RUNX1T1: variants seen among roughly 807,000 people sequenced by gnomAD.
RUNX1T1 encodes the protein RUNX1 partner transcriptional co-repressor 1.
In RUNX1T1, 4 loss-of-function variants were observed where a neutral mutation model predicts 62.8. That is an observed-to-expected ratio of 0.06 (90% confidence interval 0.03 to 0.15). RUNX1T1 has a LOEUF of 0.15. Ranked by LOEUF, RUNX1T1 falls within the 10% of genes least tolerant of loss-of-function variation. RUNX1T1 has a pLI of 1.00. For synonymous variants in RUNX1T1, 291 were observed against 286.0 expected (o/e 1.02, Z -0.18); for missense variants, 508 against 754.3 (o/e 0.67, Z 3.82).
chr8:92,085,676 C>T (rs1212343589), intron 1 of RUNX1T1, among the ~76,000 whole-genome samples: 2 of 152,122 alleles, frequency 1.3e-5, no homozygotes, highest in African/African-American at 4.8e-5. Context: ...GAATTGCCAG[C>T]ATGTTTTTAA....
intron 4 of RUNX1T1, chr8:92,009,885 A>G (rs1284688173): frequency 1.3e-5 from 2 of 152,234 alleles, no homozygotes; most frequent in Non-Finnish European, 2.9e-5. Flanking sequence ...GTTTCCACAC[A>G]AACAGATCTA....
At chr8:91,977,682 A>T (rs1013455430) in intron 8 of RUNX1T1, among the ~76,000 whole-genome samples, 22 of 152,386 alleles carry the variant, frequency 1.4e-4, no homozygotes, top group African/African-American at 4.8e-4. Context: ...TAAGAATAAG[A>T]ACAGATCTGT....
chr8:92,010,836 T>C lies in RUNX1T1; in HGVS notation c.477+166A>G, dbSNP rs115630336. 1,085 of 490,466 alleles carry C rather than the reference T, an allele frequency of 2.2e-3. 6 individuals carry two copies. The highest frequency in any genetic ancestry group is 0.018 in the African/African-American group (902 of 51,018). 30.4% of individuals were successfully genotyped at this position (490,466 alleles called of 1,614,324 possible). ...AGGTAATTATTTAAAACACTCCTTGTAATTTTCAGACTACTTAGGAAATGG... is the reference window on the plus strand; with the variant it reads ...AGGTAATTATTTAAAACACTCCTTGCAATTTTCAGACTACTTAGGAAATGG... On this transcript the variant is annotated intron_variant, in intron 4 of 10. Coordinates refer to ENST00000396218, the Ensembl canonical transcript of RUNX1T1.
At chr8:92,091,259 T>A (rs1836960265) in intron 1 of RUNX1T1, among the ~76,000 whole-genome samples, 1 of 152,220 alleles carries the variant, frequency 6.6e-6, no homozygotes, top group Admixed American at 6.5e-5. Flanking sequence ...CCAAAACAAA[T>A]GCCTGCTTTA....
chr8:91,961,584 C>G (rs1586685373), intron 10 of RUNX1T1, among the ~76,000 whole-genome samples: 1 of 152,176 alleles, frequency 6.6e-6, no homozygotes, highest in African/African-American at 2.4e-5. Flanking sequence ...ATACCAGAGA[C>G]AGAAGAGCAC....
chr8:91,967,707 G>A (rs909798010), intron 10 of RUNX1T1, among the ~76,000 whole-genome samples: 5 of 152,098 alleles, frequency 3.3e-5, no homozygotes, highest in South Asian at 2.1e-4. Flanking sequence ...TCTTCTGATC[G>A]CGAATCTTAG....
At chr8:91,987,784 C>T (rs989448109) in intron 6 of RUNX1T1, among the ~76,000 whole-genome samples, 4 of 152,040 alleles carry the variant, frequency 2.6e-5, no homozygotes, top group Non-Finnish European at 5.9e-5. Flanking sequence ...TGAAAGGCTC[C>T]GAACAGAGAA....
intron 1 of RUNX1T1, among the ~76,000 whole-genome samples, chr8:92,083,152 G>T (rs1835543212): frequency 6.6e-6 from 1 of 152,194 alleles, no homozygotes; most frequent in Non-Finnish European, 1.5e-5. Context: ...GTTACAGTGT[G>T]CATCTATGAA....
At chr8:92,042,057 A>T (rs1185959030) in intron 1 of RUNX1T1, among the ~76,000 whole-genome samples, 2 of 151,594 alleles carry the variant, frequency 1.3e-5, no homozygotes, top group Non-Finnish European at 2.9e-5. Context: ...TCCTGACCTC[A>T]AGAGGTCCAC....
At chr8:92,051,602 ACT>A (rs34298111) in intron 1 of RUNX1T1, among the ~76,000 whole-genome samples, 118 of 140,614 alleles carry the variant, frequency 8.4e-4, no homozygotes, top group African/African-American at 9.6e-4. Flanking sequence ...ACACACACAC[ACT>A]CTCTCTCTCT....
chr8:91,992,836 C>A (rs190341752), intron 5 of RUNX1T1, among the ~76,000 whole-genome samples: 2 of 152,290 alleles, frequency 1.3e-5, no homozygotes, highest in East Asian at 3.9e-4. Context: ...AGAAGGAATG[C>A]ATTCTATAAA....
chr8:92,063,182 T>C (rs903331350), upstream of RUNX1T1, among the ~76,000 whole-genome samples: 6 of 152,164 alleles, frequency 3.9e-5, no homozygotes, highest in African/African-American at 1.4e-4. Flanking sequence ...TTATAAGACT[T>C]TGTATATTGT....
intron 1 of RUNX1T1, chr8:92,095,453 G>C: frequency 6.5e-7 from 1 of 1,535,386 alleles, no homozygotes; most frequent in Non-Finnish European, 8.7e-7. Context: ...TAAAAGCCTT[G>C]TCAGGATGGC....
At chr8:92,061,120 C>T (rs1442435552) in intron 1 of RUNX1T1, among the ~76,000 whole-genome samples, 2 of 152,156 alleles carry the variant, frequency 1.3e-5, no homozygotes, top group African/African-American at 4.8e-5. Flanking sequence ...TAGCAAGGGT[C>T]CTAACTAATC....
intron 1 of RUNX1T1, among the ~76,000 whole-genome samples, chr8:92,027,488 C>T (rs1387845350): frequency 1.3e-5 from 2 of 152,170 alleles, no homozygotes; most frequent in African/African-American, 4.8e-5. Flanking sequence ...GCCATTCAGA[C>T]CTTTCAGTTG....
At chr8:92,056,880 G>A (rs181132069) in intron 1 of RUNX1T1, among the ~76,000 whole-genome samples, 7 of 152,108 alleles carry the variant, frequency 4.6e-5, no homozygotes, top group East Asian at 1.9e-4. Context: ...CTGACCTTCC[G>A]ATTAACAAAA....
chr8:92,016,504 G>A (rs746163515), intron 2 of RUNX1T1, among the ~76,000 whole-genome samples: 12 of 152,198 alleles, frequency 7.9e-5, no homozygotes, highest in East Asian at 7.7e-4. Context: ...GTGAAACCCC[G>A]TATCTACTAA....
At chr8:92,028,530 T>G (rs1477929039) in intron 1 of RUNX1T1, among the ~76,000 whole-genome samples, 1 of 152,210 alleles carries the variant, frequency 6.6e-6, no homozygotes, top group Non-Finnish European at 1.5e-5. Context: ...CGACTTCACT[T>G]CAAATAGCTT....
intron 1 of RUNX1T1, among the ~76,000 whole-genome samples, chr8:92,086,908 G>A (rs1018974037): frequency 6.6e-5 from 10 of 152,064 alleles, no homozygotes; most frequent in African/African-American, 7.2e-5. Flanking sequence ...CAAGCTTCTC[G>A]CCTGGCCTTG....
Sources: allele counts gnomAD v4.1 joint callset (sites outside exome capture counted in the v4.1 genomes callset), GRCh38; gene constraint gnomAD v4.1.1; transcripts MANE v1.5; gene names NCBI Gene and HGNC (gene_info 2026-07-23, HGNC 2026-07-21).